BCAS3: variants seen among roughly 807,000 people sequenced by gnomAD.
BCAS3 encodes BCAS4/BCAS3 fusion.
In BCAS3, 53 loss-of-function variants were observed where a neutral mutation model predicts 116.1. The ratio of observed to expected loss-of-function variants is 0.46; its 90% CI spans 0.37 to 0.57. The LOEUF (loss-of-function observed/expected upper bound fraction) is 0.57, where lower values mean the gene tolerates loss of function less well. Ranked by LOEUF, BCAS3 falls within the 20% of genes least tolerant of loss-of-function variation. The pLI is 0.00. For missense variants in BCAS3, 917 were observed against 1,165.4 expected, an observed-to-expected ratio of 0.79 and a Z score of 3.10; for synonymous variants, 391 against 408.2, an observed-to-expected ratio of 0.96 and a Z score of 0.51.
At chr17:60,791,070 G>T (rs1050796258) in intron 6 of BCAS3, among the ~76,000 whole-genome samples, 1 of 151,466 alleles carries the variant, frequency 6.6e-6, no homozygotes, top group Admixed American at 6.6e-5. Flanking sequence ...TAGAGGTGAA[G>T]ATCTTGCTAT....
chr17:61,245,313 G>C (rs921132421), intron 22 of BCAS3: 1 of 152,118 alleles, frequency 6.6e-6, no homozygotes, highest in Non-Finnish European at 1.5e-5. Context: ...GACACATGGG[G>C]ATTATGGGAA....
At chr17:60,848,821 C>T (rs2052769505) in intron 7 of BCAS3, among the ~76,000 whole-genome samples, 1 of 150,406 alleles carries the variant, frequency 6.6e-6, no homozygotes, top group Non-Finnish European at 1.5e-5. Context: ...GCTTCAGCCC[C>T]CTGAAGTAGC....
At chr17:60,749,820 C>T (rs1211954243) in intron 6 of BCAS3, among the ~76,000 whole-genome samples, 1 of 152,080 alleles carries the variant, frequency 6.6e-6, no homozygotes, top group Non-Finnish European at 1.5e-5. Context: ...AAGAATTATA[C>T]ATCAGGACAA....
chr17:61,255,741 A>G (rs2048726620), intron 22 of BCAS3, among the ~76,000 whole-genome samples: 2 of 152,214 alleles, frequency 1.3e-5, no homozygotes, highest in African/African-American at 4.8e-5. Context: ...TTTTAGTGCT[A>G]AAGGGTTCCG....
At chr17:61,100,607 A>G (rs1009574717) in intron 22 of BCAS3, among the ~76,000 whole-genome samples, 1 of 151,906 alleles carries the variant, frequency 6.6e-6, no homozygotes, top group African/African-American at 2.4e-5. Flanking sequence ...TCATCTTTGT[A>G]CTCCCCGTAG....
At chr17:60,770,323 T>C (rs2044536586) in intron 6 of BCAS3, among the ~76,000 whole-genome samples, 1 of 151,264 alleles carries the variant, frequency 6.6e-6, no homozygotes, top group South Asian at 2.1e-4. Flanking sequence ...CAGTTCATAG[T>C]CCATCCCAGC....
At chr17:60,688,089 C>T (rs945831711) in intron 3 of BCAS3, 13 of 151,928 alleles carry the variant, frequency 8.6e-5, no homozygotes, top group African/African-American at 2.9e-4. Context: ...TGCTTCACCA[C>T]GTTAAAGGAA....
intron 1 of BCAS3, among the ~76,000 whole-genome samples, chr17:60,678,772 T>C (rs1303201735): frequency 6.6e-6 from 1 of 152,228 alleles, no homozygotes; most frequent in Admixed American, 6.5e-5. Flanking sequence ...TGAAATATTG[T>C]ACCATGTGTA....
chr17:60,747,398 T>C (rs1225229621), intron 6 of BCAS3, 119 bp downstream of exon 6: 3 of 737,686 alleles, frequency 4.1e-6, no homozygotes, highest in Non-Finnish European at 6.8e-6. Context: ...TCCATTCCCC[T>C]TCCCCACCTC....
At chr17:61,310,043 A>T (rs879836139) in intron 22 of BCAS3, among the ~76,000 whole-genome samples, 1 of 152,236 alleles carries the variant, frequency 6.6e-6, no homozygotes, top group Non-Finnish European at 1.5e-5. Flanking sequence ...ATTGCCTTCC[A>T]TATGGGTAGT....
intron 13 of BCAS3, among the ~76,000 whole-genome samples, chr17:60,928,148 CAT>C (rs1181766918): frequency 6.6e-6 from 1 of 152,126 alleles, no homozygotes; most frequent in Non-Finnish European, 1.5e-5. Flanking sequence ...AGTCCCTATG[CAT>C]AGAGTCTGCT....
At chr17:60,755,841 G>A (rs530988737) in intron 6 of BCAS3, among the ~76,000 whole-genome samples, 4 of 151,830 alleles carry the variant, frequency 2.6e-5, no homozygotes, top group Non-Finnish European at 5.9e-5. Context: ...ATGTTATGCG[G>A]TACTTGTGAA....
At chr17:61,195,194 C>G (rs1249442246) in intron 22 of BCAS3, among the ~76,000 whole-genome samples, 1 of 152,158 alleles carries the variant, frequency 6.6e-6, no homozygotes, top group Non-Finnish European at 1.5e-5. Flanking sequence ...TGCTTATGCC[C>G]AGAAGGACTG....
In BCAS3 at chr17:61,088,780, A is replaced by C. The variant is rs112600840; in HGVS notation, c.2425+4216A>C. Among the ~76,000 whole-genome samples, 222 of 152,322 alleles carry C rather than the reference A, an allele frequency of 1.5e-3. 1 individual carries two copies. Among genetic ancestry groups the C allele is most frequent in the African/African-American group, 4.6e-3 (191 of 41,564 alleles). ...TACTAACAAAGAACTCAGATAATTG[A>C]GATCGAAAGACAAACTTATGCGTGA... On this transcript the variant is annotated intron_variant, in intron 22 of 23. Transcript: ENST00000407086. This position sits in a 1 kb window ranked among gnomAD's most constrained non-coding sequence, Gnocchi z 4.2.
intron 7 of BCAS3, among the ~76,000 whole-genome samples, chr17:60,824,769 GA>G (rs763259372): frequency 1.3e-5 from 2 of 152,210 alleles, no homozygotes; most frequent in Non-Finnish European, 2.9e-5. Flanking sequence ...GCTGTGTTGT[GA>G]TTTAGGGGTG....
At chr17:61,273,500 A>G (rs918124003) in intron 22 of BCAS3, among the ~76,000 whole-genome samples, 6 of 151,904 alleles carry the variant, frequency 3.9e-5, no homozygotes, top group Admixed American at 3.9e-4. Context: ...AGATTTGTTT[A>G]TCTGTTTCTC....
intron 22 of BCAS3, among the ~76,000 whole-genome samples, chr17:61,338,028 T>C (rs529069111): frequency 6.6e-6 from 1 of 152,348 alleles, no homozygotes; most frequent in East Asian, 1.9e-4. Flanking sequence ...TTAGGTCGAA[T>C]GTCACGCTTA....
intron 13 of BCAS3, among the ~76,000 whole-genome samples, chr17:60,934,114 A>G (rs896740784): frequency 4.3e-5 from 4 of 94,068 alleles, no homozygotes; most frequent in Admixed American, 9.8e-5. Flanking sequence ...TTAAAAGCAG[A>G]AAAAAAAACA....
chr17:60,800,929 A>G (rs1568280399), intron 6 of BCAS3, among the ~76,000 whole-genome samples: 2 of 152,044 alleles, frequency 1.3e-5, no homozygotes, highest in African/African-American at 2.4e-5. Context: ...CTATGTGTCT[A>G]TTCCTCTGCT....
Sources: allele counts gnomAD v4.1 joint callset (sites outside exome capture counted in the v4.1 genomes callset), GRCh38; gene constraint gnomAD v4.1.1; non-coding constraint Gnocchi (gnomAD v3.1); transcripts MANE v1.5; gene names NCBI Gene and HGNC (gene_info 2026-07-23, HGNC 2026-07-21).